PAX5: variants seen among roughly 807,000 people sequenced by gnomAD.
PAX5 encodes paired box protein Pax-5.
A neutral mutation model predicts 43.7 loss-of-function variants in PAX5; 9 were observed. The ratio of observed to expected loss-of-function variants is 0.21; its 90% CI spans 0.12 to 0.36. The LOEUF (loss-of-function observed/expected upper bound fraction) is 0.36, where lower values mean the gene tolerates loss of function less well. Ranked by LOEUF, PAX5 falls within the 10% of genes least tolerant of loss-of-function variation. The pLI is 1.00. For missense variants in PAX5, 383 were observed against 532.7 expected (o/e 0.72, Z 2.77); for synonymous variants, 228 against 214.3 (o/e 1.06, Z -0.56).
At chr9:36,996,039 C>T (rs983372771) in intron 5 of PAX5, among the ~76,000 whole-genome samples, 2 of 152,232 alleles carry the variant, frequency 1.3e-5, no homozygotes, top group Admixed American at 1.3e-4. Flanking sequence ...AGCCTGGATG[C>T]CCCGGGCTCC....
At chr9:36,929,231 GAAGGAGGAAGGAAGGAAGGA>G (rs1830912878) in intron 6 of PAX5, among the ~76,000 whole-genome samples, 1 of 143,704 alleles carries the variant, frequency 7.0e-6, no homozygotes, top group African/African-American at 2.6e-5. Flanking sequence ...AAGAAGGAAG[GAAGGAGGAAGGAAGGAAGGA>G]AGGAAGGAAG....
chr9:37,027,895 GC>G (rs1490533451), intron 1 of PAX5, among the ~76,000 whole-genome samples: 1 of 152,268 alleles, frequency 6.6e-6, no homozygotes, highest in Non-Finnish European at 1.5e-5. Context: ...GGGGGGCGGG[GC>G]CCAGGCGGCG....
intron 2 of PAX5, among the ~76,000 whole-genome samples, chr9:37,017,413 T>A (rs1839474836): frequency 6.6e-6 from 1 of 152,230 alleles, no homozygotes; most frequent in African/African-American, 2.4e-5. Flanking sequence ...GCTGCTTTGC[T>A]TATAAAATTT....
chr9:36,889,660 C>T (rs1371812100), intron 7 of PAX5, among the ~76,000 whole-genome samples: 1 of 152,188 alleles, frequency 6.6e-6, no homozygotes, highest in Non-Finnish European at 1.5e-5. Flanking sequence ...ACTGGAAGTC[C>T]CCAGAGATCA....
intron 1 of PAX5, among the ~76,000 whole-genome samples, chr9:37,029,289 C>T (rs908949466): frequency 5.3e-5 from 8 of 152,314 alleles, no homozygotes; most frequent in Admixed American, 5.2e-4. Flanking sequence ...TCTCAAACTC[C>T]TACACTGGGG....
intron 2 of PAX5, among the ~76,000 whole-genome samples, chr9:37,017,999 A>G (rs1477894210): frequency 2.0e-5 from 3 of 152,150 alleles, no homozygotes; most frequent in Admixed American, 6.5e-5. Context: ...CGGTGCAAAG[A>G]GCATTAGTTT....
At chr9:36,856,006 C>T (rs1235659604) in intron 8 of PAX5, among the ~76,000 whole-genome samples, 4 of 152,248 alleles carry the variant, frequency 2.6e-5, no homozygotes, top group Admixed American at 6.5e-5. Flanking sequence ...TCCCAGGGCA[C>T]ACAGATTCAG....
At chr9:36,971,284 G>C (rs1189102395) in intron 5 of PAX5, among the ~76,000 whole-genome samples, 1 of 152,248 alleles carries the variant, frequency 6.6e-6, no homozygotes, top group Non-Finnish European at 1.5e-5. Flanking sequence ...CCTGCCTCTG[G>C]TGTCGCACAC....
chr9:36,906,145 G>A (rs1035002608), intron 7 of PAX5, among the ~76,000 whole-genome samples: 1 of 152,158 alleles, frequency 6.6e-6, no homozygotes, highest in Admixed American at 6.5e-5. Flanking sequence ...GTAGACAGAA[G>A]AATAATCCAC....
intron 7 of PAX5, among the ~76,000 whole-genome samples, chr9:36,906,123 C>T (rs1269751134): frequency 1.3e-5 from 2 of 152,172 alleles, no homozygotes; most frequent in Non-Finnish European, 2.9e-5. Context: ...TATATTTGGC[C>T]CTGGAGATGT....
At chr9:36,953,101 A>G in intron 6 of PAX5, among the ~76,000 whole-genome samples, 1 of 152,120 alleles carries the variant, frequency 6.6e-6, no homozygotes, top group Non-Finnish European at 1.5e-5. Context: ...TTGAAGTATA[A>G]TTCCCCATGA....
intron 6 of PAX5, among the ~76,000 whole-genome samples, chr9:36,932,372 G>A (rs114580951): frequency 0.014 from 2,184 of 152,296 alleles, 53 homozygotes; most frequent in African/African-American, 0.049. Flanking sequence ...TTAATAAAAT[G>A]TGGTATATCT....
chr9:36,928,484 T>C (rs939077719), intron 6 of PAX5, among the ~76,000 whole-genome samples: 4 of 152,208 alleles, frequency 2.6e-5, no homozygotes, highest in Non-Finnish European at 5.9e-5. Flanking sequence ...GAGTGGCTGT[T>C]TGTCTATCTC....
chr9:36,986,009 C>T (rs1295059287), intron 5 of PAX5, among the ~76,000 whole-genome samples: 1 of 151,998 alleles, frequency 6.6e-6, no homozygotes, highest in Non-Finnish European at 1.5e-5. Context: ...GCTGCGCGTC[C>T]GCCATCCGAA....
intron 9 of PAX5, among the ~76,000 whole-genome samples, chr9:36,841,118 CTCTGTGAGCTATCCCCAGCCAGCA>C: frequency 6.6e-6 from 1 of 152,192 alleles, no homozygotes. Flanking sequence ...CCTGCAGGTG[CTCTGTGAGCTATCCCCAGCCAGCA>C]TCTCTGAATT....
chr9:36,955,522 T>C (rs1282965431), intron 6 of PAX5, among the ~76,000 whole-genome samples: 5 of 152,066 alleles, frequency 3.3e-5, no homozygotes, highest in African/African-American at 4.8e-5. Flanking sequence ...GCCCATTTCA[T>C]GGAATGTGCA....
intron 5 of PAX5, among the ~76,000 whole-genome samples, chr9:36,999,625 C>T (rs566571617): frequency 6.6e-6 from 1 of 152,320 alleles, no homozygotes; most frequent in Non-Finnish European, 1.5e-5. Flanking sequence ...TGGGCAAGGA[C>T]CCTCAGCTGT....
At chr9:36,997,925 A>T (rs1432977472) in intron 5 of PAX5, among the ~76,000 whole-genome samples, 1 of 152,236 alleles carries the variant, frequency 6.6e-6, no homozygotes, top group Admixed American at 6.5e-5. Flanking sequence ...ACTGGCACAG[A>T]AGCATTGGCC....
At chr9:36,893,726 A>G (rs1288648769) in intron 7 of PAX5, among the ~76,000 whole-genome samples, 1 of 152,236 alleles carries the variant, frequency 6.6e-6, no homozygotes, top group East Asian at 1.9e-4. Flanking sequence ...TAAGAAGCCC[A>G]AGCCGCGATA....
Sources: allele counts gnomAD v4.1 joint callset (sites outside exome capture counted in the v4.1 genomes callset), GRCh38; gene constraint gnomAD v4.1.1; transcripts MANE v1.5; gene names NCBI Gene and HGNC (gene_info 2026-07-23, HGNC 2026-07-21).